The following DCUN1D4 variants were observed in gnomAD, a reference collection of about 807,000 sequenced individuals.
DCUN1D4 encodes defective in cullin neddylation 1 domain containing 4.
A neutral mutation model predicts 47.9 loss-of-function variants in DCUN1D4; 22 were observed. That is an observed-to-expected ratio of 0.46 (90% confidence interval 0.33 to 0.66). The LOEUF is 0.66. Ranked by LOEUF, DCUN1D4 falls within the 30% of genes least tolerant of loss-of-function variation. DCUN1D4 has a pLI of 0.02. For missense variants in DCUN1D4, 301 were observed against 340.8 expected, an observed-to-expected ratio of 0.88 and a Z score of 0.92; for synonymous variants, 121 against 112.2, an observed-to-expected ratio of 1.08 and a Z score of -0.50.
intron 1 of DCUN1D4, 38 bp from the exon 2 acceptor site, chr4:51,863,399 A>G: frequency 2.0e-6 from 3 of 1,472,392 alleles, no homozygotes; most frequent in South Asian, 2.4e-5. Context: ...CAATATTGGA[A>G]ATAAATGACG....
chr4:51,861,263 G>A (rs923073835), intron 1 of DCUN1D4, among the ~76,000 whole-genome samples: 2 of 152,176 alleles, frequency 1.3e-5, no homozygotes, highest in Admixed American at 6.5e-5. Context: ...TTTTGTGTGT[G>A]TGTGCAAGTG....
intron 8 of DCUN1D4, 53 bp from the exon 9 acceptor site, chr4:51,911,017 G>T (rs1018689889): frequency 2.6e-6 from 4 of 1,536,312 alleles, no homozygotes; most frequent in Non-Finnish European, 3.6e-6. Flanking sequence ...GCAATTATTG[G>T]AATTTATTAT....
upstream of DCUN1D4, among the ~76,000 whole-genome samples, chr4:51,842,569 G>A (rs1320781684): frequency 6.6e-6 from 1 of 152,206 alleles, no homozygotes; most frequent in Non-Finnish European, 1.5e-5. Flanking sequence ...AGTTTCCTGC[G>A]GTAGGAAGCA....
At position 51,877,586 on chromosome 4, in the gene DCUN1D4, T is replaced by C. The variant is rs1727897363; in HGVS notation, c.252-177T>C. 11 of 492,284 alleles carry C rather than the reference T, an allele frequency of 2.2e-5. No individual in the cohort carries two copies. In the South Asian group the frequency reaches 2.8e-4, roughly 12 times the overall value. The allele number at this position is 492,284 out of a possible 1,614,324, so 30.5% of individuals were successfully genotyped here. A position where few individuals can be genotyped will look rare whatever the true frequency, so the allele number is the denominator to read the frequency against. ...ACCAGTTCTATATTAGGAGTGACTG[T>C]GTTTAAACACTGTAGTTAAAAGCTG... On this transcript the variant is annotated intron_variant, in intron 4 of 10. Coordinates refer to ENST00000334635, the MANE Select transcript of DCUN1D4 (RefSeq NM_001040402.3).
chr4:51,867,407 T>C (rs1354098826), intron 3 of DCUN1D4, among the ~76,000 whole-genome samples: 1 of 152,154 alleles, frequency 6.6e-6, no homozygotes, highest in Non-Finnish European at 1.5e-5. Flanking sequence ...AGTCCTGCCA[T>C]TTGGTGGATC....
intron 7 of DCUN1D4, 48 bp from the exon 8 acceptor site, chr4:51,899,218 AAAAT>A (rs1374713301): frequency 4.7e-5 from 70 of 1,502,430 alleles, no homozygotes; most frequent in Non-Finnish European, 5.2e-5. Flanking sequence ...CTCTATTAAA[AAAAT>A]AAATAAATGA....
At chr4:51,888,319 G>T (rs1729846402) in intron 6 of DCUN1D4, among the ~76,000 whole-genome samples, 1 of 152,176 alleles carries the variant, frequency 6.6e-6, no homozygotes, top group Admixed American at 6.5e-5. Context: ...GGATGGGAGA[G>T]CACTGACGTT....
intron 6 of DCUN1D4, among the ~76,000 whole-genome samples, chr4:51,889,325 C>T (rs1296948717): frequency 1.3e-5 from 2 of 152,188 alleles, no homozygotes; most frequent in Non-Finnish European, 2.9e-5. Context: ...CAAGCCTTGT[C>T]TGCATTGATG....
At chr4:51,844,977 C>T (rs1722294041) in intron 1 of DCUN1D4, 1 of 985,438 alleles carries the variant, frequency 1.0e-6, no homozygotes. Context: ...GCCCTTCTCC[C>T]TTGGGAGAGG....
At position 51,899,395 on chromosome 4, in the gene DCUN1D4, C is replaced by T. The variant is rs1578024512; in HGVS notation, c.615+17C>T. ...TTTGCACGGGTGAGTTCTCTGGAGC[C>T]TATCCAGATGTTTCCCTCTCTTCCC... On this transcript the variant is annotated intron_variant, in intron 8 of 10. Coordinates refer to ENST00000334635, the MANE Select transcript of DCUN1D4 (RefSeq NM_001040402.3). The T allele has an allele frequency of 1.9e-6, 3 of 1,592,770 alleles. No individual in the cohort carries two copies. Among genetic ancestry groups the T allele is most frequent in the Non-Finnish European group, 2.6e-6 (3 of 1,170,428 alleles).
At chr4:51,858,139 A>G (rs1160440411) in intron 1 of DCUN1D4, among the ~76,000 whole-genome samples, 1 of 152,212 alleles carries the variant, frequency 6.6e-6, no homozygotes, top group East Asian at 1.9e-4. Context: ...TTTATCCTTA[A>G]TTGACAAATA....
intron 1 of DCUN1D4, chr4:51,845,299 G>A: frequency 2.0e-6 from 2 of 984,562 alleles, no homozygotes; most frequent in South Asian, 9.4e-5. Flanking sequence ...TTCTTGGGGT[G>A]TTTGAAAAAA....
chr4:51,903,804 A>G (rs531828494), intron 8 of DCUN1D4, among the ~76,000 whole-genome samples: 1 of 152,146 alleles, frequency 6.6e-6, no homozygotes, highest in Non-Finnish European at 1.5e-5. Flanking sequence ...TTCAGATACT[A>G]TATTTTTCAT....
At chr4:51,910,983 T>G in intron 8 of DCUN1D4, 87 bp from the exon 9 acceptor site, 1 of 1,300,520 alleles carries the variant, frequency 7.7e-7, no homozygotes, top group Admixed American at 1.7e-5. Context: ...TTTACTAATT[T>G]CCTGTTGAAG....
At chr4:51,885,269 T>C (rs1334690653) in intron 5 of DCUN1D4, among the ~76,000 whole-genome samples, 1 of 152,130 alleles carries the variant, frequency 6.6e-6, no homozygotes, top group African/African-American at 2.4e-5. Context: ...ACTGCTGTAG[T>C]TGTCAAGAAT....
intron 1 of DCUN1D4, among the ~76,000 whole-genome samples, chr4:51,860,321 T>G (rs1383927311): frequency 6.6e-6 from 1 of 152,234 alleles, no homozygotes; most frequent in Non-Finnish European, 1.5e-5. Flanking sequence ...ACCTGTTTAC[T>G]CTTGTTGCCT....
intron 1 of DCUN1D4, among the ~76,000 whole-genome samples, chr4:51,860,923 T>A (rs1724950281): frequency 6.6e-6 from 1 of 152,176 alleles, no homozygotes; most frequent in Admixed American, 6.5e-5. Flanking sequence ...TTGGGATCAT[T>A]GATGTAAGGC....
chr4:51,879,186 T>C (rs1268297892), intron 5 of DCUN1D4, among the ~76,000 whole-genome samples: 1 of 152,232 alleles, frequency 6.6e-6, no homozygotes, highest in Admixed American at 6.5e-5. Context: ...TTGCGGGGCA[T>C]GGACACTAGT....
At chr4:51,839,475 C>T (rs758331970), upstream of DCUN1D4, among the ~76,000 whole-genome samples, 7 of 152,116 alleles carry the variant, frequency 4.6e-5, no homozygotes, top group Non-Finnish European at 1.0e-4. Context: ...TAGAGTAGTG[C>T]CCGTCACATA....
Sources: allele counts gnomAD v4.1 joint callset (sites outside exome capture counted in the v4.1 genomes callset), GRCh38; gene constraint gnomAD v4.1.1; transcripts MANE v1.5; gene names NCBI Gene and HGNC (gene_info 2026-07-23, HGNC 2026-07-21).